The following USP43 variants were observed in gnomAD, a reference collection of about 807,000 sequenced individuals.
USP43 encodes ubiquitin carboxyl-terminal hydrolase 43.
In USP43, 33 loss-of-function variants were observed where a neutral mutation model predicts 90.7. That is an observed-to-expected ratio of 0.36 (90% CI 0.28 to 0.49). The LOEUF (loss-of-function observed/expected upper bound fraction) is 0.49, where lower values mean the gene tolerates loss of function less well. Among genes scored for constraint, USP43 ranks in the 20% least tolerant of loss-of-function variants. The probability of loss-of-function intolerance (pLI) is 0.98; values close to 1 mark genes in which losing one functional copy is unlikely to be tolerated. For missense variants in USP43, 1,274 were observed against 1,476.4 expected (o/e 0.86, Z 2.25); for synonymous variants, 598 against 615.8 (o/e 0.97, Z 0.43).
In USP43 at chr17:9,728,225, C is replaced by G. The variant is rs61729504; in HGVS notation, c.2607C>G (p.Asn869Lys). 6.2e-7 allele frequency: 1 copy of G among 1,613,912 alleles called. No homozygotes were observed. The highest frequency in any genetic ancestry group is 8.5e-7 in the Non-Finnish European group (1 of 1,179,878). The change falls in exon 15 of 15, where the codon AAC becomes AAG. Residue 869 changes from asparagine to lysine, a missense_variant. Physicochemically the swap from Asn to Lys is moderately conservative, Grantham distance 94. Coordinates refer to ENST00000285199, the MANE Select transcript of USP43 (RefSeq NM_153210.5). The surrounding 1 kb of genome is among the most constrained non-coding windows in gnomAD (Gnocchi z 6.2). Reference protein sequence around the residue: ...EDEKSASPRSNVALPANSEDG... With the variant: ...EDEKSASPRSKVALPANSEDG... ...AGAAGTCAGCATCGCCGAGGTCCAA[C>G]GTCGCCCTTCCTGCTAACAGCGAAG...
At chr17:9,693,573 C>T (rs548026584) in intron 9 of USP43, among the ~76,000 whole-genome samples, 4 of 152,236 alleles carry the variant, frequency 2.6e-5, no homozygotes, top group Admixed American at 6.5e-5. Flanking sequence ...TGGTGGTTCA[C>T]GCCTGTAATC....
At position 9,728,838 on chromosome 17, in the gene USP43, C is replaced by G; in HGVS notation, c.3220C>G (p.Arg1074Gly). 2 of 1,613,862 alleles carry G rather than the reference C, an allele frequency of 1.2e-6. No individual in the cohort carries two copies. The highest frequency in any genetic ancestry group is 1.7e-6 in the Non-Finnish European group (2 of 1,179,852). Residue 1074 changes from arginine to glycine, a missense_variant, in exon 15 of 15, where the codon CGT (arginine) becomes GGT (glycine). By Grantham distance (125) the Arg-to-Gly change is moderately radical. Around this residue, in one of 6 missense-constraint regions of USP43, gnomAD observed 353 missense variants for 329.7 expected, o/e 1.07. Coordinates refer to ENST00000285199, the MANE Select transcript of USP43 (RefSeq NM_153210.5). The surrounding 1 kb of genome is among the most constrained non-coding windows in gnomAD (Gnocchi z 6.2). ...AGCCCCCAGCTCTCTCCGCCTCCCT[C>G]GTAAAGCCAGCAGGGCCCCGAGAGG... ...WSAPSSLRLP[R>G]KASRAPRGSA...
intron 14 of USP43, among the ~76,000 whole-genome samples, chr17:9,727,282 C>T (rs1450837248): frequency 2.0e-5 from 3 of 152,102 alleles, no homozygotes; most frequent in African/African-American, 7.2e-5. Flanking sequence ...TACATATGTT[C>T]CTTTTAGAAA....
intron 1 of USP43, among the ~76,000 whole-genome samples, chr17:9,649,159 T>C (rs1911678685): frequency 6.6e-6 from 1 of 151,888 alleles, no homozygotes. Context: ...ATACAAAAAT[T>C]AGCCGGGCGT....
At chr17:9,677,527 G>C (rs1432656911) in intron 5 of USP43, among the ~76,000 whole-genome samples, 1 of 152,226 alleles carries the variant, frequency 6.6e-6, no homozygotes, top group Non-Finnish European at 1.5e-5. Flanking sequence ...CTTTTCAAAC[G>C]AGTCTTAGTA....
intron 14 of USP43, among the ~76,000 whole-genome samples, chr17:9,714,009 T>C (rs922140137): frequency 2.4e-4 from 36 of 152,172 alleles, no homozygotes; most frequent in African/African-American, 8.7e-4. Context: ...CCTCAGATCA[T>C]CAGGCATGAG....
At chr17:9,727,821 T>C in intron 14 of USP43, 133 bp from the exon 15 acceptor site, 1 of 971,722 alleles carries the variant, frequency 1.0e-6, no homozygotes, top group Non-Finnish European at 1.5e-6. Context: ...GAACCCTATG[T>C]GGCTTCTTCA....
chr17:9,723,354 C>A (rs1021485272), intron 14 of USP43, among the ~76,000 whole-genome samples: 1 of 152,096 alleles, frequency 6.6e-6, no homozygotes, highest in Non-Finnish European at 1.5e-5. Flanking sequence ...GTTCTACAGA[C>A]TCAGGCCTGT....
chr17:9,710,234 C>A, intron 13 of USP43, 120 bp downstream of exon 13: 1 of 1,143,328 alleles, frequency 8.7e-7, no homozygotes, highest in South Asian at 3.1e-5. Flanking sequence ...AGAGGAAGCC[C>A]GGGATGCTGC....
intron 1 of USP43, among the ~76,000 whole-genome samples, chr17:9,652,339 T>C (rs1911927050): frequency 6.6e-6 from 1 of 151,964 alleles, no homozygotes; most frequent in Non-Finnish European, 1.5e-5. Flanking sequence ...GTTCTAGTTA[T>C]GTTTCCATAG....
chr17:9,719,064 G>A (rs1916777093), intron 14 of USP43, among the ~76,000 whole-genome samples: 1 of 152,086 alleles, frequency 6.6e-6, no homozygotes, highest in South Asian at 2.1e-4. Context: ...GTAGGTGGAG[G>A]TTGCAGTAAG....
At chr17:9,722,961 T>A (rs1205069553) in intron 14 of USP43, among the ~76,000 whole-genome samples, 3 of 152,210 alleles carry the variant, frequency 2.0e-5, no homozygotes, top group Non-Finnish European at 4.4e-5. Context: ...TGCACCACTA[T>A]TTTTCTCCTC....
At chr17:9,660,958 G>A (rs1367764104) in intron 2 of USP43, among the ~76,000 whole-genome samples, 2 of 152,192 alleles carry the variant, frequency 1.3e-5, no homozygotes, top group Non-Finnish European at 2.9e-5. Context: ...ATTATCCGGC[G>A]TGAAACTTCA....
At chr17:9,712,920 T>A (rs1239270165) in intron 14 of USP43, among the ~76,000 whole-genome samples, 1 of 152,184 alleles carries the variant, frequency 6.6e-6, no homozygotes. Context: ...ATGTGTTCAT[T>A]ACATACAAAC....
chr17:9,655,251 G>T (rs553727110), intron 1 of USP43, among the ~76,000 whole-genome samples: 8 of 152,196 alleles, frequency 5.3e-5, no homozygotes, highest in Non-Finnish European at 1.2e-4. Context: ...CAGTCTAAGA[G>T]TGGGTCCCAC....
chr17:9,685,735 C>T (rs1914562880), intron 7 of USP43, among the ~76,000 whole-genome samples: 2 of 152,162 alleles, frequency 1.3e-5, no homozygotes, highest in African/African-American at 4.8e-5. Flanking sequence ...TATTTTGATA[C>T]ATGTACATAG....
At position 9,709,984 on chromosome 17, in the gene USP43, G is replaced by A; in HGVS notation, c.2040G>A (p.Gln680=). Residue 680 remains glutamine, a synonymous_variant, in exon 13 of 15, where the codon CAG becomes CAA. Transcript: ENST00000285199. This position sits in a 1 kb window ranked among gnomAD's most constrained non-coding sequence, Gnocchi z 5.0. ...TAYCRNSLDG[Q]WYSYDDSTVE... is the part of the protein sequence containing the mutation. ...ACTGCCGGAACTCTCTGGATGGCCA[G>A]TGGTACAGTTATGATGACAGCACGG... 6.6e-7 allele frequency: 1 copy of A among 1,519,398 alleles called. No individual in the cohort carries two copies. The highest frequency in any genetic ancestry group is 8.8e-7 in the Non-Finnish European group (1 of 1,131,892). 94.1% of individuals were successfully genotyped at this position (1,519,398 alleles called of 1,614,324 possible). A position where few individuals can be genotyped will look rare whatever the true frequency, so the allele number is the denominator to read the frequency against.
chr17:9,702,858 T>G (rs539673127), intron 12 of USP43, among the ~76,000 whole-genome samples: 23 of 151,988 alleles, frequency 1.5e-4, no homozygotes, highest in African/African-American at 4.6e-4. Context: ...GAAAGAGAAA[T>G]GAGGATGCAG....
chr17:9,686,160 A>G lies in USP43; in HGVS notation c.1242-638A>G, dbSNP rs1241620007. On this transcript the variant is annotated intron_variant, in intron 7 of 14. Coordinates refer to ENST00000285199, the MANE Select transcript of USP43 (RefSeq NM_153210.5). The surrounding 1 kb of genome is among the most constrained non-coding windows in gnomAD (Gnocchi z 5.5). ...TTTCATTTCTTTTTTATGGGTGCAT[A>G]GTATTCCGTTGTGTATATAGACCAC... Among the ~76,000 whole-genome samples the G allele has an allele frequency of 6.6e-6, 1 of 152,138 alleles. No homozygotes were observed. Among genetic ancestry groups the G allele is most frequent in the African/African-American group, 2.4e-5 (1 of 41,438 alleles).
Sources: gnomAD v4.1 joint callset for allele counts (sites outside exome capture counted in the v4.1 genomes callset) on GRCh38, gnomAD v4.1.1 for gene constraint, gnomAD v4.1.1 regional missense constraint, Gnocchi (gnomAD v3.1) non-coding constraint, MANE v1.5 for transcripts, NCBI Gene and HGNC (gene_info 2026-07-23, HGNC 2026-07-21) for gene names.